SPAG16: variants seen among roughly 807,000 people sequenced by gnomAD.
The protein encoded by SPAG16 is sperm associated antigen 16.
SPAG16 carries 86 observed loss-of-function variants against 80.4 expected under a neutral mutation model. The ratio of observed to expected loss-of-function variants is 1.07; its 90% CI spans 0.90 to 1.28. SPAG16 has a LOEUF of 1.28. Among genes scored for constraint, SPAG16 ranks in the 50% most tolerant of loss-of-function variants. The probability of loss-of-function intolerance (pLI) is 0.00; values close to 1 mark genes in which losing one functional copy is unlikely to be tolerated. For synonymous variants in SPAG16, 294 were observed against 265.9 expected (o/e 1.11, Z -1.03); for missense variants, 870 against 765.3 (o/e 1.14, Z -1.61).
chr2:213,370,237 T>C lies in SPAG16; in HGVS notation c.833-4773T>C, dbSNP rs761066571. ...TAGTGGATCCTACAATAATAAAAAG[T>C]CTAAAACTCATGCATAAGAAATACT... On this transcript the variant is annotated intron_variant, in intron 8 of 15. Transcript: ENST00000331683. Among the ~76,000 whole-genome samples the C allele has an allele frequency of 3.9e-5, 6 of 152,288 alleles. No homozygotes were observed. The Middle Eastern group carries it at 0.01, about 259-fold the overall frequency.
chr2:213,902,257 A>G (rs947986190), intron 11 of SPAG16, among the ~76,000 whole-genome samples: 2 of 152,240 alleles, frequency 1.3e-5, no homozygotes, highest in Non-Finnish European at 2.9e-5. Context: ...TGAGGAAAGC[A>G]AATAAACAAG....
chr2:214,052,989 C>T (rs2049742014), intron 13 of SPAG16, among the ~76,000 whole-genome samples: 2 of 152,022 alleles, frequency 1.3e-5, no homozygotes, highest in South Asian at 4.1e-4. Context: ...TTGAATAGGC[C>T]TTAATGTTTT....
intron 12 of SPAG16, among the ~76,000 whole-genome samples, chr2:213,973,490 G>A (rs903477898): frequency 4.6e-5 from 7 of 152,044 alleles, no homozygotes; most frequent in African/African-American, 1.4e-4. Flanking sequence ...AATAAACCCT[G>A]CTCTGCTCCT....
intron 15 of SPAG16, among the ~76,000 whole-genome samples, chr2:214,391,975 A>C (rs1226584551): frequency 1.3e-5 from 2 of 152,198 alleles, no homozygotes. Context: ...AACACAACGC[A>C]GAGATTTGGA....
At chr2:213,352,915 G>T (rs2065413591) in intron 7 of SPAG16, among the ~76,000 whole-genome samples, 1 of 152,142 alleles carries the variant, frequency 6.6e-6, no homozygotes, top group Admixed American at 6.6e-5. Context: ...GTCTCTTTGG[G>T]TTTAACACAG....
chr2:213,465,396 G>C (rs1042090295), intron 9 of SPAG16, among the ~76,000 whole-genome samples: 1 of 152,132 alleles, frequency 6.6e-6, no homozygotes, highest in African/African-American at 2.4e-5. Context: ...TTCTACAAAA[G>C]AAATTCTGTC....
At chr2:213,664,508 C>T (rs541869661) in intron 10 of SPAG16, among the ~76,000 whole-genome samples, 30 of 152,188 alleles carry the variant, frequency 2.0e-4, no homozygotes, top group African/African-American at 6.0e-4. Flanking sequence ...CCTAAGTACA[C>T]GGCTAGAGTG....
At chr2:213,349,147 T>A (rs958467304) in intron 6 of SPAG16, among the ~76,000 whole-genome samples, 1 of 152,196 alleles carries the variant, frequency 6.6e-6, no homozygotes, top group East Asian at 1.9e-4. Flanking sequence ...CAGAATATTT[T>A]GCGCTGAATG....
chr2:213,423,500 G>A (rs1196013902), intron 9 of SPAG16, among the ~76,000 whole-genome samples: 1 of 152,170 alleles, frequency 6.6e-6, no homozygotes, highest in Non-Finnish European at 1.5e-5. Context: ...GCCTTATTCA[G>A]TTACATAGAT....
intron 9 of SPAG16, among the ~76,000 whole-genome samples, chr2:213,489,389 AGAAATGACAGAT>A (rs2074141795): frequency 6.6e-6 from 1 of 152,120 alleles, no homozygotes; most frequent in South Asian, 2.1e-4. Context: ...GCGGTGACCA[AGAAATGACAGAT>A]GTGGATTCTA....
At chr2:213,684,309 T>A (rs190986334) in intron 10 of SPAG16, among the ~76,000 whole-genome samples, 1 of 152,326 alleles carries the variant, frequency 6.6e-6, no homozygotes, top group East Asian at 1.9e-4. Flanking sequence ...TAGGTCTTTT[T>A]TAAGTTTATA....
chr2:213,434,829 A>T (rs997375324), intron 9 of SPAG16, among the ~76,000 whole-genome samples: 4 of 152,214 alleles, frequency 2.6e-5, no homozygotes, highest in Non-Finnish European at 4.4e-5. Context: ...GGATGCAGAG[A>T]ATAGTGAAGA....
chr2:213,722,476 A>G (rs1191550534), intron 10 of SPAG16, among the ~76,000 whole-genome samples: 1 of 152,174 alleles, frequency 6.6e-6, no homozygotes, highest in Non-Finnish European at 1.5e-5. Flanking sequence ...TATATAGGGC[A>G]GGAAATAGAA....
intron 10 of SPAG16, among the ~76,000 whole-genome samples, chr2:213,726,633 T>C (rs990125513): frequency 6.6e-6 from 1 of 152,202 alleles, no homozygotes; most frequent in South Asian, 2.1e-4. Flanking sequence ...ACACTGGTCT[T>C]GAATTGGTAT....
At position 213,329,748 on chromosome 2, in the gene SPAG16, A is replaced by G. The variant is rs1449690841; in HGVS notation, c.537-10415A>G. ...GTTAATCACCAAGACAATGGGGAAA[A>G]TGTCTCCAGGGCATGTCAGAGACCT... On this transcript the variant is annotated intron_variant, in intron 5 of 15. Coordinates refer to ENST00000331683, the MANE Select transcript of SPAG16 (RefSeq NM_024532.5). Among the ~76,000 whole-genome samples the G allele has an allele frequency of 2.6e-5, 4 of 152,154 alleles. No homozygotes were observed. In the East Asian group the frequency reaches 5.8e-4, roughly 22 times the overall value.
intron 8 of SPAG16, among the ~76,000 whole-genome samples, chr2:213,371,074 G>A (rs1575402982): frequency 2.0e-5 from 3 of 152,012 alleles, no homozygotes; most frequent in East Asian, 3.9e-4. Flanking sequence ...ACTCTGTCAC[G>A]TCTCCAGTTG....
intron 15 of SPAG16, among the ~76,000 whole-genome samples, chr2:214,375,579 GA>G (rs1045178853): frequency 6.6e-6 from 1 of 152,040 alleles, no homozygotes; most frequent in South Asian, 2.1e-4. Flanking sequence ...CTGCATACAA[GA>G]AAAAATCGCT....
At chr2:214,251,239 G>A (rs1356091173) in intron 15 of SPAG16, among the ~76,000 whole-genome samples, 1 of 150,236 alleles carries the variant, frequency 6.7e-6, no homozygotes, top group Non-Finnish European at 1.5e-5. Flanking sequence ...TTTGAGACCT[G>A]AGTAAATCTA....
chr2:213,965,625 A>G (rs2106364222), intron 12 of SPAG16, among the ~76,000 whole-genome samples: 1 of 152,268 alleles, frequency 6.6e-6, no homozygotes, highest in African/African-American at 2.4e-5. Flanking sequence ...TTCAATTTTT[A>G]CTATCGTATG....
Sources: allele counts gnomAD v4.1 joint callset (sites outside exome capture counted in the v4.1 genomes callset), GRCh38; gene constraint gnomAD v4.1.1; transcripts MANE v1.5; gene names NCBI Gene and HGNC (gene_info 2026-07-23, HGNC 2026-07-21).